The following ZDHHC23 variants were observed in gnomAD, a reference collection of about 807,000 sequenced individuals.
ZDHHC23 encodes zDHHC palmitoyltransferase 23, also known as palmitoyltransferase ZDHHC23.
In ZDHHC23, 41 loss-of-function variants were observed where a neutral mutation model predicts 40.2. The observed-to-expected ratio is 1.02, with a 90% CI of 0.79 to 1.32. The LOEUF (loss-of-function observed/expected upper bound fraction) is 1.32. Ranked by LOEUF, ZDHHC23 falls within the 40% of genes most tolerant of loss-of-function variation. The pLI is 0.00. For synonymous variants in ZDHHC23, 204 were observed against 210.2 expected (o/e 0.97, Z 0.26); for missense variants, 471 against 541.5 (o/e 0.87, Z 1.29).
At chr3:113,978,204 G>A in the ZDHHC23 span, 1 of 1,613,978 alleles carries the variant, frequency 6.2e-7, no homozygotes, top group Non-Finnish European at 8.5e-7. Flanking sequence ...GTGCTCCGCT[G>A]CAATCTCATG....
At chr3:113,949,150 GCTGT>G (rs1209445431) in intron 2 of ZDHHC23, among the ~76,000 whole-genome samples, 187 bp downstream of exon 2, 2 of 152,202 alleles carry the variant, frequency 1.3e-5, no homozygotes, top group Admixed American at 6.5e-5. Flanking sequence ...GTAGTGCACA[GCTGT>G]CTGTCTGCTC....
In ZDHHC23 at chr3:113,961,781, A is replaced by G. The variant is rs1001905768; in HGVS notation, c.*3151A>G. ...TTAGCAAGAGACAATTTTCTGTACT[A>G]GAATCTTCCACTGCCAGAAAACACA... On this transcript the variant is annotated 3_prime_UTR_variant, in exon 5 of 5. Transcript: ENST00000638807. 2 of 152,656 alleles carry G rather than the reference A, an allele frequency of 1.3e-5. No homozygotes were observed. Among genetic ancestry groups the G allele is most frequent in the African/African-American group, 2.4e-5 (1 of 41,436 alleles). The allele number at this position is 152,656 out of a possible 1,614,324, so 9.5% of individuals were successfully genotyped here.
intron 3 of ZDHHC23, among the ~76,000 whole-genome samples, chr3:113,955,082 T>C (rs1939042711): frequency 6.6e-6 from 1 of 152,366 alleles, no homozygotes; most frequent in South Asian, 2.1e-4. Context: ...AATTCAGATA[T>C]GAATGCTGTA....
chr3:113,978,153 G>A, the ZDHHC23 span: 2 of 1,610,984 alleles, frequency 1.2e-6, no homozygotes, highest in Middle Eastern at 1.7e-4. Context: ...TGTGAAGTCA[G>A]AGAGTGAATT....
intron 4 of ZDHHC23, 148 bp downstream of exon 4, chr3:113,956,654 A>C: frequency 1.3e-6 from 1 of 788,856 alleles, no homozygotes; most frequent in Non-Finnish European, 1.9e-6. Context: ...TTGCCAGCAA[A>C]ATTGTGCATT....
At position 113,959,952 on chromosome 3, in the gene ZDHHC23, TCTA is replaced by T. The variant is rs1384710995; in HGVS notation, c.*1326_*1328del. 2 of 993,448 alleles carry T rather than the reference TCTA, an allele frequency of 2.0e-6. No individual in the cohort carries two copies. The highest frequency in any genetic ancestry group is 1.0e-4 in the East Asian group (1 of 9,878). 61.5% of individuals were successfully genotyped at this position (993,448 alleles called of 1,614,324 possible). A position where few individuals can be genotyped will look rare whatever the true frequency, so the allele number is the denominator to read the frequency against. ...TAAATATTTATGTACAATGGGTTGT[TCTA>T]CTATAGAATTAAGATGAGGGAATTT... On this transcript the variant is annotated 3_prime_UTR_variant, in exon 5 of 5. Coordinates refer to ENST00000638807, the MANE Select transcript of ZDHHC23 (RefSeq NM_001320466.2).
Position 113,948,740 on chromosome 3 carries a change from T to C in ZDHHC23, c.-63T>C, listed in dbSNP as rs114990552. 5.2e-4 allele frequency: 834 copies of C among 1,596,400 alleles called. 3 individuals are homozygous for C. The African/African-American group carries it at 9.8e-3, about 19-fold the overall frequency. ...CGTGGACCTATTTACGAGATGTAAGTTGTGTTCTTTCCACCTTTACCTTCT... is the reference window on the plus strand; with the variant it reads ...CGTGGACCTATTTACGAGATGTAAGCTGTGTTCTTTCCACCTTTACCTTCT... On this transcript the variant is annotated 5_prime_UTR_variant, in exon 2 of 5. Coordinates refer to ENST00000638807, the MANE Select transcript of ZDHHC23 (RefSeq NM_001320466.2).
chr3:113,965,307 T>C, downstream of ZDHHC23: 1 of 1,610,904 alleles, frequency 6.2e-7, no homozygotes, highest in Non-Finnish European at 8.5e-7. Context: ...CTTTCCTCTT[T>C]CATAAATTTT....
chr3:113,951,705 G>T (rs762824622), intron 2 of ZDHHC23, among the ~76,000 whole-genome samples: 1 of 152,120 alleles, frequency 6.6e-6, no homozygotes, highest in Non-Finnish European at 1.5e-5. Flanking sequence ...ACTGGCACGG[G>T]GCTAATCCAT....
Position 113,962,816 on chromosome 3 carries a change from A to G in ZDHHC23, c.*4186A>G, listed in dbSNP as rs1042040475. The stretch of plus-strand genomic sequence containing the variant: ...GCCAACTCCGGAGGCTGTGGGCTGC[A>G]CATTTTGCACTGTTTTTATATACTT... On this transcript the variant is annotated 3_prime_UTR_variant, in exon 5 of 5. Coordinates refer to ENST00000638807, the MANE Select transcript of ZDHHC23 (RefSeq NM_001320466.2). 11 of 152,210 alleles carry G rather than the reference A, an allele frequency of 7.2e-5. No homozygotes were observed. The highest frequency in any genetic ancestry group is 1.9e-4 in the African/African-American group (8 of 41,448). 9.4% of individuals were successfully genotyped at this position (152,210 alleles called of 1,614,324 possible). A position where few individuals can be genotyped will look rare whatever the true frequency, so the allele number is the denominator to read the frequency against.
chr3:113,949,587 C>A (rs905194150), intron 2 of ZDHHC23, among the ~76,000 whole-genome samples: 3 of 152,182 alleles, frequency 2.0e-5, no homozygotes, highest in African/African-American at 7.2e-5. Context: ...TTTTTAACAT[C>A]ACTGAAAAAA....
In ZDHHC23 at chr3:113,959,947, G is replaced by T. The variant is rs75169897; in HGVS notation, c.*1317G>T. ...AAGATTAAATATTTATGTACAATGG[G>T]TTGTTCTACTATAGAATTAAGATGA... On this transcript the variant is annotated 3_prime_UTR_variant, in exon 5 of 5. Coordinates refer to ENST00000638807, the MANE Select transcript of ZDHHC23 (RefSeq NM_001320466.2). 3.3e-3 allele frequency: 3,240 copies of T among 994,316 alleles called. 75 individuals carry two copies. The African/African-American group carries it at 0.052, about 16-fold the overall frequency. The allele number at this position is 994,316 out of a possible 1,614,324, so 61.6% of individuals were successfully genotyped here. A position where few individuals can be genotyped will look rare whatever the true frequency, so the allele number is the denominator to read the frequency against.
Position 113,959,522 on chromosome 3 carries a change from T to C in ZDHHC23, c.*892T>C. 7.8e-7 allele frequency: 1 copy of C among 1,278,704 alleles called. No individual in the cohort carries two copies. Among genetic ancestry groups the C allele is most frequent in the Non-Finnish European group, 1.0e-6 (1 of 980,052 alleles). 79.2% of individuals were successfully genotyped at this position (1,278,704 alleles called of 1,614,324 possible). On this transcript the variant is annotated 3_prime_UTR_variant, in exon 5 of 5. Coordinates refer to ENST00000638807, the MANE Select transcript of ZDHHC23 (RefSeq NM_001320466.2). ...TTTCCTCTTCCCATGTTTCACCAGG[T>C]AAGGTGCTAGCACACTTGTGACTGT... is the stretch of plus-strand genomic sequence containing the variant.
intron 3 of ZDHHC23, 138 bp from the exon 4 acceptor site, chr3:113,956,201 C>T (rs1201690357): frequency 9.3e-6 from 8 of 864,096 alleles, no homozygotes; most frequent in East Asian, 2.6e-5. Context: ...GAGCCAAGAT[C>T]GCGCCATTGC....
Position 113,959,194 on chromosome 3 carries a change from T to C in ZDHHC23, c.*564T>C, listed in dbSNP as rs1939509568. The C allele has an allele frequency of 2.8e-6, 3 of 1,066,920 alleles. No homozygotes were observed. The highest frequency in any genetic ancestry group is 4.6e-5 in the Admixed American group (1 of 21,852). The allele number at this position is 1,066,920 out of a possible 1,614,324, so 66.1% of individuals were successfully genotyped here. On this transcript the variant is annotated 3_prime_UTR_variant, in exon 5 of 5. Coordinates refer to ENST00000638807, the MANE Select transcript of ZDHHC23 (RefSeq NM_001320466.2). ...AAAATATTATGATGGAAGAAAAACG[T>C]TTATAGTCTAGAATATTGAAGCCAA...
At chr3:113,978,857 C>T in the ZDHHC23 span, 8 of 1,613,634 alleles carry the variant, frequency 5.0e-6, no homozygotes, top group East Asian at 1.6e-4. Context: ...TATGTCCTTA[C>T]CTGTAGCCAG....
At chr3:113,953,545 T>G (rs2107467105) in intron 2 of ZDHHC23, among the ~76,000 whole-genome samples, 155 bp from the exon 3 acceptor site, 1 of 152,360 alleles carries the variant, frequency 6.6e-6, no homozygotes, top group South Asian at 2.1e-4. Context: ...AAATGACATG[T>G]GAATCTGAAA....
the ZDHHC23 span, chr3:113,978,887 G>C: frequency 6.2e-7 from 1 of 1,613,942 alleles, no homozygotes; most frequent in African/African-American, 1.3e-5. Flanking sequence ...ACTCTCTTAA[G>C]CAGTATTTGG....
chr3:113,964,924 T>C (rs893763900), downstream of ZDHHC23: 18 of 354,244 alleles, frequency 5.1e-5, no homozygotes, highest in Non-Finnish European at 8.5e-5. Context: ...GAACAGACGA[T>C]CTCTAGAATG....
Sources: gnomAD v4.1 joint callset for allele counts (sites outside exome capture counted in the v4.1 genomes callset) on GRCh38, gnomAD v4.1.1 for gene constraint, MANE v1.5 for transcripts, NCBI Gene and HGNC (gene_info 2026-07-23, HGNC 2026-07-21) for gene names.